Variants in PROZ observed in about 807,000 individuals in gnomAD.
The protein encoded by PROZ is protein Z, vitamin K dependent plasma glycoprotein, also known as vitamin K-dependent protein Z.
In PROZ, 46 loss-of-function variants were observed where a neutral mutation model predicts 34.9. The ratio of observed to expected loss-of-function variants is 1.32; its 90% CI spans 1.04 to 1.69. The LOEUF (loss-of-function observed/expected upper bound fraction) is 1.69, where lower values mean the gene tolerates loss of function less well. Among genes scored for constraint, PROZ ranks in the 40% most tolerant of loss-of-function variants. PROZ has a pLI of 0.00. For missense variants in PROZ, 530 were observed against 520.4 expected, an observed-to-expected ratio of 1.02 and a Z score of -0.18; for synonymous variants, 195 against 208.5, an observed-to-expected ratio of 0.94 and a Z score of 0.56.
At chr13:113,163,180 T>G (rs2036796808) in intron 4 of PROZ, 58 bp downstream of exon 4, 1 of 1,397,628 alleles carries the variant, frequency 7.2e-7, no homozygotes, top group South Asian at 1.2e-5. Context: ...GGGCCTCACA[T>G]CCTCGGCCAG....
chr13:113,160,944 A>G lies in PROZ; in HGVS notation c.235-4A>G. 1 of 1,601,640 alleles carries G rather than the reference A, an allele frequency of 6.2e-7. No individual in the cohort carries two copies. Among genetic ancestry groups the G allele is most frequent in the Non-Finnish European group, 8.6e-7 (1 of 1,169,080 alleles). On this transcript the variant is annotated splice_region_variant and splice_polypyrimidine_tract_variant and intron_variant, in intron 2 of 7. Coordinates refer to ENST00000375547, the MANE Select transcript of PROZ (RefSeq NM_003891.3). ...TGTAACATTTTTATGTTTTAACTCT[A>G]AAGGATGAATTCTGGAGACGATATA...
chr13:113,164,483 A>C (rs2036860134), intron 4 of PROZ, 30 bp from the exon 5 acceptor site: 1 of 1,570,876 alleles, frequency 6.4e-7, no homozygotes, highest in Admixed American at 1.9e-5. Context: ...TTTCCAAGCT[A>C]GCATTTCCTT....
Position 113,170,404 on chromosome 13 carries a change from T to C in PROZ, c.574-9T>C. On this transcript the variant is annotated splice_polypyrimidine_tract_variant and intron_variant, in intron 6 of 7. Transcript: ENST00000375547. ...ACCAGCTATTTATTGTCTGTTTTGA[T>C]TTTTAAAGGTAAAGTTAACAAATTC... is the stretch of plus-strand genomic sequence containing the variant. 1 of 1,518,648 alleles carries C rather than the reference T, an allele frequency of 6.6e-7. No individual in the cohort carries two copies. Among genetic ancestry groups the C allele is most frequent in the Non-Finnish European group, 9.1e-7 (1 of 1,093,188 alleles). The allele number at this position is 1,518,648 out of a possible 1,614,324, so 94.1% of individuals were successfully genotyped here.
chr13:113,170,868 A>G lies in PROZ; in HGVS notation c.691+338A>G, dbSNP rs937756231. Among the ~76,000 whole-genome samples, 4 of 151,742 alleles carry G rather than the reference A, an allele frequency of 2.6e-5. No homozygotes were observed. The East Asian group carries it at 7.7e-4, about 29-fold the overall frequency. On this transcript the variant is annotated intron_variant, in intron 7 of 7. Transcript: ENST00000375547. ...AAGAATGGGGCTCGAATCCCCCAGC[A>G]GTTGAGACCTCAGGCTGAGGCAGTG... is the stretch of plus-strand genomic sequence containing the variant.
At chr13:113,168,476 C>T (rs1324870179) in intron 6 of PROZ, among the ~76,000 whole-genome samples, 1 of 152,250 alleles carries the variant, frequency 6.6e-6, no homozygotes, top group East Asian at 1.9e-4. Flanking sequence ...TTGGGCCTGC[C>T]CCACTGCCTT....
chr13:113,161,092 A>G (rs951601423), intron 3 of PROZ, 120 bp downstream of exon 3: 1 of 911,054 alleles, frequency 1.1e-6, no homozygotes, highest in African/African-American at 1.6e-5. Flanking sequence ...TCCAGGACCC[A>G]CGGTGTCTCT....
Position 113,171,240 on chromosome 13 carries a change from CAACAAAATA to C in PROZ, c.692-352_692-344del, listed in dbSNP as rs1247341720. On this transcript the variant is annotated intron_variant, in intron 7 of 7. Transcript: ENST00000375547. The surrounding 1 kb of genome is among the most constrained non-coding windows in gnomAD (Gnocchi z 5.1). ...GCCTGGCCCTTAAATATTTTTCAAT[CAACAAAATA>C]ACGTGAAAACCACTTCTCAACAGCC... is the stretch of plus-strand genomic sequence containing the variant. 6.6e-6 allele frequency among the ~76,000 whole-genome samples: 1 copy of C among 152,168 alleles called. No homozygotes were observed. The highest frequency in any genetic ancestry group is 1.5e-5 in the Non-Finnish European group (1 of 68,032).
At position 113,158,802 on chromosome 13, in the gene PROZ, A is replaced by T. The variant is rs1285487900; in HGVS notation, c.70+72A>T. 2.1e-6 allele frequency: 3 copies of T among 1,454,846 alleles called. No homozygotes were observed. The highest frequency in any genetic ancestry group is 9.4e-7 in the Non-Finnish European group (1 of 1,063,664). 90.1% of individuals were successfully genotyped at this position (1,454,846 alleles called of 1,614,324 possible). ...TTGACTCGGTCCATGGTGGATTTGT[A>T]GATGAGGCTTTTTCCAGGAGCCAGA... is the stretch of plus-strand genomic sequence containing the variant. On this transcript the variant is annotated intron_variant, in intron 1 of 7. Coordinates refer to ENST00000375547, the MANE Select transcript of PROZ (RefSeq NM_003891.3). This position sits in a 1 kb window ranked among gnomAD's most constrained non-coding sequence, Gnocchi z 4.3.
intron 6 of PROZ, among the ~76,000 whole-genome samples, chr13:113,165,751 G>C (rs527844317): frequency 9.9e-5 from 15 of 152,178 alleles, no homozygotes; most frequent in Non-Finnish European, 1.9e-4. Flanking sequence ...GGATGGTCTC[G>C]AATGCCTGAC....
At chr13:113,169,822 T>G (rs796564) in intron 6 of PROZ, among the ~76,000 whole-genome samples, 1 of 152,254 alleles carries the variant, frequency 6.6e-6, no homozygotes, top group East Asian at 1.9e-4. Context: ...TTAGTCTCCA[T>G]GTACACGTGA....
intron 4 of PROZ, 37 bp from the exon 5 acceptor site, chr13:113,164,476 C>G: frequency 6.2e-7 from 1 of 1,601,868 alleles, no homozygotes; most frequent in Non-Finnish European, 8.5e-7. Context: ...ATGACTATTT[C>G]CAAGCTAGCA....
chr13:113,168,908 A>C (rs1485636576), intron 6 of PROZ, among the ~76,000 whole-genome samples: 1 of 152,010 alleles, frequency 6.6e-6, no homozygotes, highest in Non-Finnish European at 1.5e-5. Context: ...TTTAAATTTC[A>C]TGTAGAGATG....
In PROZ at chr13:113,171,927, A is replaced by G; in HGVS notation, c.1025A>G (p.Glu342Gly). The change falls in exon 8 of 8, where the codon GAG becomes GGG. Residue 342 changes from glutamate (E) to glycine (G), a missense_variant. Transcript: ENST00000375547. This position sits in a 1 kb window ranked among gnomAD's most constrained non-coding sequence, Gnocchi z 5.1. ...NVTVTTRTYCERSSVAAMHWM... is the reference protein window; with the variant it reads ...NVTVTTRTYCGRSSVAAMHWM... ...ACTGTCACCACCAGGACCTACTGTG[A>G]GAGAAGCAGCGTGGCGGCCATGCAC... The G allele has an allele frequency of 1.2e-6, 2 of 1,613,716 alleles. No individual in the cohort carries two copies. Among genetic ancestry groups the G allele is most frequent in the Non-Finnish European group, 1.7e-6 (2 of 1,180,032 alleles).
chr13:113,162,916 T>A, intron 3 of PROZ, 93 bp from the exon 4 acceptor site: 2 of 528,806 alleles, frequency 3.8e-6, no homozygotes, highest in Non-Finnish European at 3.2e-6. Context: ...CTCCTCCTGC[T>A]CAGGTCCCCA....
At chr13:113,165,707 T>C (rs981577358) in intron 6 of PROZ, among the ~76,000 whole-genome samples, 2 of 152,146 alleles carry the variant, frequency 1.3e-5, no homozygotes, top group Non-Finnish European at 2.9e-5. Context: ...ATTTTTATAT[T>C]TTTAGTAGAG....
At chr13:113,169,934 T>G (rs1007110352) in intron 6 of PROZ, among the ~76,000 whole-genome samples, 2 of 152,246 alleles carry the variant, frequency 1.3e-5, no homozygotes, top group Non-Finnish European at 2.9e-5. Context: ...GACTCTGTTC[T>G]GCAAACTCCA....
chr13:113,167,705 G>A (rs2036980836), intron 6 of PROZ, among the ~76,000 whole-genome samples: 1 of 152,132 alleles, frequency 6.6e-6, no homozygotes, highest in African/African-American at 2.4e-5. Flanking sequence ...TTTATAGGTA[G>A]TATATAATTG....
At chr13:113,167,221 G>C (rs747043747) in intron 6 of PROZ, among the ~76,000 whole-genome samples, 2 of 152,142 alleles carry the variant, frequency 1.3e-5, no homozygotes, top group African/African-American at 4.8e-5. Context: ...GTCTTCTCTC[G>C]AACTTGGTTT....
At chr13:113,167,479 C>G (rs1429002402) in intron 6 of PROZ, among the ~76,000 whole-genome samples, 2 of 152,198 alleles carry the variant, frequency 1.3e-5, no homozygotes. Context: ...TGGGCACATG[C>G]TTTATTTCAT....
Sources: allele counts gnomAD v4.1 joint callset (sites outside exome capture counted in the v4.1 genomes callset), GRCh38; gene constraint gnomAD v4.1.1; non-coding constraint Gnocchi (gnomAD v3.1); transcripts MANE v1.5; gene names NCBI Gene and HGNC (gene_info 2026-07-23, HGNC 2026-07-21).